The following PTK7 variants were observed in gnomAD, a reference collection of about 807,000 sequenced individuals.
PTK7 encodes the protein inactive tyrosine-protein kinase 7.
Under a neutral mutation model 116.6 loss-of-function variants are expected in PTK7, and 39 were observed. The observed-to-expected ratio is 0.33, with a 90% CI of 0.26 to 0.44. The LOEUF (loss-of-function observed/expected upper bound fraction) is 0.44, where lower values mean the gene tolerates loss of function less well. Ranked by LOEUF, PTK7 falls within the 20% of genes least tolerant of loss-of-function variation. The pLI is 1.00. For synonymous variants in PTK7, 546 were observed against 563.6 expected, an observed-to-expected ratio of 0.97 and a Z score of 0.44; for missense variants, 1,169 against 1,425.6, an observed-to-expected ratio of 0.82 and a Z score of 2.90.
rs563425352 is a variant in PTK7, at chr6:43,099,461, C to T, written c.79+22894C>T. ...TGTTGCCCAGGCTGGTCTCAAACTC[C>T]TGAACTCCAGCAGTCTGCCCAAAGT... On this transcript the variant is annotated intron_variant, in intron 1 of 19. Transcript: ENST00000230419. 6.6e-5 allele frequency among the ~76,000 whole-genome samples: 10 copies of T among 152,100 alleles called. No individual in the cohort carries two copies. The South Asian group carries it at 2.1e-3, about 32-fold the overall frequency.
chr6:43,141,826 GTGGCAGGGCCCTGGGGC>G lies in PTK7; in HGVS notation c.1768+13_1768+29del, dbSNP rs759546572. The G allele has an allele frequency of 6.2e-7, 1 of 1,612,292 alleles. No individual in the cohort carries two copies. The highest frequency in any genetic ancestry group is 8.5e-7 in the Non-Finnish European group (1 of 1,179,088). ...CCAGCTCACTGTGGCAGGTGCGACC[GTGGCAGGGCCCTGGGGC>G]TGGGAGGGCCCTCTGGGGTAGCACC... On this transcript the variant is annotated intron_variant, in intron 11 of 19. Coordinates refer to ENST00000230419, the MANE Select transcript of PTK7 (RefSeq NM_002821.5). This position sits in a 1 kb window ranked among gnomAD's most constrained non-coding sequence, Gnocchi z 4.9.
Position 43,130,231 on chromosome 6 carries a change from C to T in PTK7, c.472C>T (p.Pro158Ser), listed in dbSNP as rs1447296466. 2 of 1,572,292 alleles carry T rather than the reference C, an allele frequency of 1.3e-6. No homozygotes were observed. Among genetic ancestry groups the T allele is most frequent in the Non-Finnish European group, 1.7e-6 (2 of 1,154,564 alleles). ...LRCHIDGHPR[P>S]TYQWFRDGTP... Reference sequence around the variant, plus strand: ...CTGCTGACTGTGTCTGCCCTGCAGGCCCACCTACCAATGGTTCCGAGATGG... The same window carrying T: ...CTGCTGACTGTGTCTGCCCTGCAGGTCCACCTACCAATGGTTCCGAGATGG... Residue 158 changes from proline to serine, a missense_variant and splice_region_variant, in exon 4 of 20, where the codon CCC (proline) becomes TCC (serine). Transcript: ENST00000230419.
At chr6:43,095,723 C>T (rs1767214959) in intron 1 of PTK7, among the ~76,000 whole-genome samples, 1 of 152,118 alleles carries the variant, frequency 6.6e-6, no homozygotes, top group East Asian at 1.9e-4. Flanking sequence ...TTGAAATGTT[C>T]TTCCTGATTG....
intron 1 of PTK7, among the ~76,000 whole-genome samples, chr6:43,118,707 CTG>C (rs1582132398): frequency 1.7e-5 from 2 of 116,380 alleles, no homozygotes; most frequent in South Asian, 2.7e-4. Flanking sequence ...GTATATATGT[CTG>C]TATATATACG....
intron 1 of PTK7, among the ~76,000 whole-genome samples, chr6:43,083,202 C>CT (rs1766471032): frequency 6.6e-6 from 1 of 152,260 alleles, no homozygotes; most frequent in Non-Finnish European, 1.5e-5. Flanking sequence ...ACCTCCTGCT[C>CT]TCCCTAACCT....
At chr6:43,121,452 C>T (rs933566298) in intron 1 of PTK7, among the ~76,000 whole-genome samples, 3 of 152,220 alleles carry the variant, frequency 2.0e-5, no homozygotes, top group Non-Finnish European at 4.4e-5. Flanking sequence ...GGGTCCCTGG[C>T]TCTGCTCCCT....
At position 43,076,774 on chromosome 6, in the gene PTK7, A is replaced by ACCCCTCCCACTCG. The variant is rs1766040255; in HGVS notation, c.79+209_79+221dup. 1 of 1,401,240 alleles carries ACCCCTCCCACTCG rather than the reference A, an allele frequency of 7.1e-7. No homozygotes were observed. The highest frequency in any genetic ancestry group is 3.0e-5 in the Admixed American group (1 of 33,390). The allele number at this position is 1,401,240 out of a possible 1,614,324, so 86.8% of individuals were successfully genotyped here. A position where few individuals can be genotyped will look rare whatever the true frequency, so the allele number is the denominator to read the frequency against. Reference sequence around the variant, plus strand: ...AAGCCTCCAGGGACGCGGTCAGGGTACCCCTCCCACTCGCGCCGCGGGGAC... The same window carrying ACCCCTCCCACTCG: ...AAGCCTCCAGGGACGCGGTCAGGGTACCCCTCCCACTCGCCCCTCCCACTCGCGCCGCGGGGAC... On this transcript the variant is annotated intron_variant, in intron 1 of 19. Transcript: ENST00000230419. This position sits in a 1 kb window ranked among gnomAD's most constrained non-coding sequence, Gnocchi z 5.7.
At position 43,143,080 on chromosome 6, in the gene PTK7, C is replaced by G. The variant is rs577585703; in HGVS notation, c.2048-337C>G. On this transcript the variant is annotated intron_variant, in intron 13 of 19. Transcript: ENST00000230419. This position sits in a 1 kb window ranked among gnomAD's most constrained non-coding sequence, Gnocchi z 4.2. Reference sequence around the variant, plus strand: ...AAACCTGAAGCTCCCAAATGCTGCTCTCCGGGGCCTGGCTCACATTATCAA... The same window carrying G: ...AAACCTGAAGCTCCCAAATGCTGCTGTCCGGGGCCTGGCTCACATTATCAA... The G allele has an allele frequency of 6.5e-5, 16 of 246,922 alleles. No individual in the cohort carries two copies. The highest frequency in any genetic ancestry group is 1.4e-3 in the Middle Eastern group (1 of 724). The allele number at this position is 246,922 out of a possible 1,614,324, so 15.3% of individuals were successfully genotyped here.
chr6:43,112,406 C>A (rs1768245453), intron 1 of PTK7, among the ~76,000 whole-genome samples: 1 of 151,840 alleles, frequency 6.6e-6, no homozygotes, highest in Non-Finnish European at 1.5e-5. Context: ...GTAGCTGGGA[C>A]TACTTGGGAG....
At chr6:43,140,241 G>A (rs1770314243) in intron 10 of PTK7, among the ~76,000 whole-genome samples, 1 of 152,182 alleles carries the variant, frequency 6.6e-6, no homozygotes, top group Admixed American at 6.6e-5. Context: ...GAGGTCATGA[G>A]ATAGAGACCA....
intron 1 of PTK7, among the ~76,000 whole-genome samples, chr6:43,097,850 A>G (rs1490996878): frequency 6.6e-6 from 1 of 152,016 alleles, no homozygotes; most frequent in Non-Finnish European, 1.5e-5. Context: ...TCTGTTTTCC[A>G]TTTTATCAGG....
chr6:43,124,013 A>T (rs546870181), intron 1 of PTK7, among the ~76,000 whole-genome samples: 2 of 152,296 alleles, frequency 1.3e-5, no homozygotes, highest in Non-Finnish European at 2.9e-5. Context: ...AAAGCTGCAC[A>T]TGGAGCTGGC....
intron 1 of PTK7, among the ~76,000 whole-genome samples, chr6:43,116,647 TGTGTGC>T (rs1248519888): frequency 0.029 from 2,120 of 74,250 alleles, 35 homozygotes; most frequent in African/African-American, 0.09. Flanking sequence ...TGTGTGTGTG[TGTGTGC>T]GCGCGCACGC....
intron 1 of PTK7, among the ~76,000 whole-genome samples, chr6:43,107,705 A>C (rs150648909): frequency 1.3e-4 from 20 of 152,326 alleles, no homozygotes; most frequent in African/African-American, 4.8e-4. Context: ...AATGATAATT[A>C]ATATAATTGC....
chr6:43,157,364 A>ATATATATATTTT (rs70990168), intron 17 of PTK7, among the ~76,000 whole-genome samples: 8 of 54,352 alleles, frequency 1.5e-4, no homozygotes, highest in Admixed American at 2.4e-4. Context: ...ATATATATAT[A>ATATATATATTTT]TTTTTTTTTT....
chr6:43,086,429 T>C (rs1766657661), intron 1 of PTK7, among the ~76,000 whole-genome samples: 1 of 151,748 alleles, frequency 6.6e-6, no homozygotes, highest in African/African-American at 2.4e-5. Context: ...TTTTTTTTTT[T>C]TGTCTCCTCC....
In PTK7 at chr6:43,078,476, G is replaced by C. The variant is rs138508285; in HGVS notation, c.79+1909G>C. Among the ~76,000 whole-genome samples the C allele has an allele frequency of 1.5e-4, 23 of 152,230 alleles. No individual in the cohort carries two copies. The East Asian group carries it at 4.2e-3, about 28-fold the overall frequency. ...TTCAGTGGAGGCCGAGGCGCCTGCT[G>C]TCTTCTAGTGAAATCCTGGGACTCA... On this transcript the variant is annotated intron_variant, in intron 1 of 19. Coordinates refer to ENST00000230419, the MANE Select transcript of PTK7 (RefSeq NM_002821.5).
chr6:43,152,260 C>A (rs1373714415), intron 17 of PTK7, among the ~76,000 whole-genome samples: 1 of 152,002 alleles, frequency 6.6e-6, no homozygotes, highest in African/African-American at 2.4e-5. Context: ...CAGCCAGGCA[C>A]AGTGGCTCAC....
Position 43,141,998 on chromosome 6 carries a change from G to A in PTK7, c.1836G>A (p.Gln612=). The change falls in exon 12 of 20, where the codon CAG becomes CAA. Residue 612 remains glutamine (Q), a synonymous_variant. Transcript: ENST00000230419. The surrounding 1 kb of genome is among the most constrained non-coding windows in gnomAD (Gnocchi z 4.9). ...ACCAGGGCCACACAGCCCTACTGCA[G>A]TGCGAGGCCCAGGGGGACCCCAAGC... ...TVYQGHTALL[Q]CEAQGDPKPL... The A allele has an allele frequency of 6.2e-7, 1 of 1,613,922 alleles. No homozygotes were observed. The highest frequency in any genetic ancestry group is 8.5e-7 in the Non-Finnish European group (1 of 1,179,998).
Sources: gnomAD v4.1 joint callset for allele counts (sites outside exome capture counted in the v4.1 genomes callset) on GRCh38, gnomAD v4.1.1 for gene constraint, Gnocchi (gnomAD v3.1) non-coding constraint, MANE v1.5 for transcripts, NCBI Gene and HGNC (gene_info 2026-07-23, HGNC 2026-07-21) for gene names.